The following TIPIN variants were observed in gnomAD, a reference collection of about 807,000 sequenced individuals.
TIPIN encodes the protein TIMELESS-interacting protein.
Under a neutral mutation model 35.6 loss-of-function variants are expected in TIPIN, and 29 were observed. The ratio of observed to expected loss-of-function variants is 0.82; its 90% CI spans 0.61 to 1.11. The LOEUF (loss-of-function observed/expected upper bound fraction) is 1.11, where lower values mean the gene tolerates loss of function less well. Ranked by LOEUF, TIPIN falls within the 50% of genes most tolerant of loss-of-function variation. The probability of loss-of-function intolerance (pLI) is 0.00; values close to 1 mark genes in which losing one functional copy is unlikely to be tolerated. For synonymous variants in TIPIN, 102 were observed against 121.5 expected (o/e 0.84, Z 1.06); for missense variants, 296 against 345.4 (o/e 0.86, Z 1.13).
At chr15:66,376,700 A>G (rs1231740686) in intron 1 of TIPIN, among the ~76,000 whole-genome samples, 1 of 151,346 alleles carries the variant, frequency 6.6e-6, no homozygotes, top group Admixed American at 6.6e-5. Flanking sequence ...AAGTGCTGGG[A>G]TTACAGGCAT....
intron 1 of TIPIN, among the ~76,000 whole-genome samples, chr15:66,355,602 T>G (rs1198195403): frequency 6.6e-6 from 1 of 151,384 alleles, no homozygotes; most frequent in African/African-American, 2.4e-5. Context: ...ACAAAAAAAA[T>G]TAGCGGGGCG....
chr15:66,337,382 A>G (rs1351005934), intron 7 of TIPIN, among the ~76,000 whole-genome samples: 7 of 150,472 alleles, frequency 4.7e-5, no homozygotes, highest in Non-Finnish European at 1.0e-4. Context: ...CTGGAGTGCA[A>G]TCGCACGATC....
chr15:66,367,833 G>GTTT (rs201442586), intron 1 of TIPIN, among the ~76,000 whole-genome samples: 2 of 122,906 alleles, frequency 1.6e-5, no homozygotes, highest in South Asian at 2.7e-4. Context: ...ATAAATCTTT[G>GTTT]TTTTTGTTTT....
chr15:66,379,289 T>G (rs1381292312), intron 1 of TIPIN: 8 of 1,550,574 alleles, frequency 5.2e-6, no homozygotes, highest in African/African-American at 1.4e-5. Context: ...AAGTAGGTCT[T>G]AGGAGTCATC....
chr15:66,369,217 TAAC>T (rs1248828874), intron 1 of TIPIN, among the ~76,000 whole-genome samples: 1 of 152,156 alleles, frequency 6.6e-6, no homozygotes, highest in African/African-American at 2.4e-5. Context: ...ATCATTATAA[TAAC>T]AAGTTTATAT....
intron 1 of TIPIN, among the ~76,000 whole-genome samples, chr15:66,385,659 T>C (rs2093334870): frequency 6.6e-6 from 1 of 151,952 alleles, no homozygotes; most frequent in Non-Finnish European, 1.5e-5. Flanking sequence ...CAGCTAATTT[T>C]TTGTATTTTT....
At chr15:66,344,411 G>A (rs2093109206) in intron 6 of TIPIN, among the ~76,000 whole-genome samples, 1 of 150,420 alleles carries the variant, frequency 6.6e-6, no homozygotes, top group Middle Eastern at 3.4e-3. Context: ...GCAAGACCTC[G>A]TCTCTATTAC....
intron 1 of TIPIN, among the ~76,000 whole-genome samples, chr15:66,382,609 A>C (rs2093322282): frequency 6.6e-6 from 1 of 152,068 alleles, no homozygotes; most frequent in Admixed American, 6.6e-5. Context: ...TCCTGGGCTC[A>C]AGTCATCCAC....
At chr15:66,364,177 T>C (rs2140481798) in intron 1 of TIPIN, among the ~76,000 whole-genome samples, 1 of 142,064 alleles carries the variant, frequency 7.0e-6, no homozygotes, top group Non-Finnish European at 1.5e-5. Flanking sequence ...TTTTTTTTTT[T>C]TTTTTGAGAC....
rs574929713 is a variant in TIPIN at position 66,355,328 on chromosome 15, C to A, written c.-9+1311G>T. Among the ~76,000 whole-genome samples the A allele has an allele frequency of 2.5e-4, 38 of 151,638 alleles. No individual in the cohort carries two copies. In the East Asian group the frequency reaches 6.9e-3, roughly 27 times the overall value. ...GATTACAGGCGTGAGCCATCGCGCC[C>A]GGCCCCAGGTGCTCAATATATATTT... On this transcript the variant is annotated intron_variant, in intron 1 of 7. Coordinates refer to ENST00000261881, the MANE Select transcript of TIPIN (RefSeq NM_017858.3).
intron 6 of TIPIN, among the ~76,000 whole-genome samples, chr15:66,348,559 A>G (rs918940487): frequency 1.3e-4 from 19 of 151,366 alleles, no homozygotes; most frequent in African/African-American, 4.4e-4. Context: ...ATGGTGGCGC[A>G]TGCCTGTGAT....
upstream of TIPIN, among the ~76,000 whole-genome samples, chr15:66,357,320 G>A (rs1281244803): frequency 2.6e-5 from 4 of 152,144 alleles, no homozygotes; most frequent in Non-Finnish European, 5.9e-5. Context: ...AGAAATTACC[G>A]CTTCTTCAGA....
At position 66,371,206 on chromosome 15, in the gene TIPIN, CAAAAAAA is replaced by C. The variant is rs200596294; in HGVS notation, c.-9+15394_-9+15400del. The C allele has an allele frequency of 5.7e-6, 5 of 880,028 alleles. No individual in the cohort carries two copies. The East Asian group carries it at 6.5e-4, about 114-fold the overall frequency. 54.5% of individuals were successfully genotyped at this position (880,028 alleles called of 1,614,324 possible). ...AGGCTGGGCAACAGAGGGAAACTCT[CAAAAAAA>C]AAAAAAAAGTGTAAGTGTATCAAGC... is the stretch of plus-strand genomic sequence containing the variant. On this transcript the variant is annotated intron_variant, in intron 1 of 7. Coordinates refer to the TIPIN transcript ENST00000562124.
At chr15:66,356,268 C>T (rs1319527983) in intron 1 of TIPIN, among the ~76,000 whole-genome samples, 1 of 152,116 alleles carries the variant, frequency 6.6e-6, no homozygotes, top group Non-Finnish European at 1.5e-5. Context: ...TCCAGCCGTC[C>T]CCCTCATCCT....
chr15:66,377,654 C>T (rs527880712), intron 1 of TIPIN, among the ~76,000 whole-genome samples: 6 of 127,436 alleles, frequency 4.7e-5, no homozygotes, highest in African/African-American at 1.0e-4. Flanking sequence ...TGAGCCACAG[C>T]GCCTGGGTTT....
chr15:66,378,070 A>G (rs918631862), intron 1 of TIPIN, among the ~76,000 whole-genome samples: 13 of 151,338 alleles, frequency 8.6e-5, no homozygotes, highest in African/African-American at 2.9e-4. Context: ...CAGTGGTGTG[A>G]TAGCTCACCA....
intron 1 of TIPIN, among the ~76,000 whole-genome samples, chr15:66,384,998 C>T (rs2140507149): frequency 6.6e-6 from 1 of 152,312 alleles, no homozygotes; most frequent in East Asian, 1.9e-4. Context: ...AATTCCAATA[C>T]AATAGCGTAA....
At chr15:66,377,991 G>A (rs985611266) in intron 1 of TIPIN, among the ~76,000 whole-genome samples, 9 of 151,798 alleles carry the variant, frequency 5.9e-5, no homozygotes, top group Non-Finnish European at 1.3e-4. Context: ...GATTACAGGT[G>A]CACACCACCA....
At chr15:66,354,156 C>A (rs1222628940) in intron 1 of TIPIN, among the ~76,000 whole-genome samples, 1 of 152,172 alleles carries the variant, frequency 6.6e-6, no homozygotes, top group Non-Finnish European at 1.5e-5. Context: ...TTAATAAGTA[C>A]TGATTTATAG....
Sources: gnomAD v4.1 joint callset for allele counts (sites outside exome capture counted in the v4.1 genomes callset) on GRCh38, gnomAD v4.1.1 for gene constraint, MANE v1.5 for transcripts, NCBI Gene and HGNC (gene_info 2026-07-23, HGNC 2026-07-21) for gene names.